MAP3K20: variants seen among roughly 807,000 people sequenced by gnomAD.
MAP3K20 encodes the protein HCCS-4.
In MAP3K20, 40 loss-of-function variants were observed where a neutral mutation model predicts 85.7. The ratio of observed to expected loss-of-function variants is 0.47; its 90% CI spans 0.36 to 0.61. The LOEUF is 0.61. MAP3K20 is among the 20% of genes least tolerant of loss of function. MAP3K20 has a pLI of 0.00. For missense variants in MAP3K20, 817 were observed against 961.7 expected, an observed-to-expected ratio of 0.85 and a Z score of 1.99; for synonymous variants, 325 against 327.7, an observed-to-expected ratio of 0.99 and a Z score of 0.09.
intron 1 of MAP3K20, among the ~76,000 whole-genome samples, chr2:173,077,542 T>G (rs1686901506): frequency 3.3e-5 from 5 of 152,156 alleles, no homozygotes; most frequent in Admixed American, 3.3e-4. Flanking sequence ...AGAAAAATGG[T>G]CTTTTGGACC....
chr2:173,224,251 G>A, intron 11 of MAP3K20: 1 of 985,308 alleles, frequency 1.0e-6, no homozygotes, highest in Non-Finnish European at 1.2e-6. Flanking sequence ...AAAAAGGCAA[G>A]GGGATCTTTG....
chr2:173,081,572 T>G (rs1687014890), intron 1 of MAP3K20, among the ~76,000 whole-genome samples: 1 of 152,078 alleles, frequency 6.6e-6, no homozygotes, highest in Non-Finnish European at 1.5e-5. Flanking sequence ...TGTTAGGTGG[T>G]TATACGATGG....
At chr2:173,105,354 A>G (rs975594432) in intron 2 of MAP3K20, among the ~76,000 whole-genome samples, 4 of 152,200 alleles carry the variant, frequency 2.6e-5, no homozygotes, top group Non-Finnish European at 5.9e-5. Flanking sequence ...AGGACGTCTC[A>G]GAGGTTTTGC....
At chr2:173,076,444 C>T (rs993347397) in intron 1 of MAP3K20, among the ~76,000 whole-genome samples, 1 of 152,112 alleles carries the variant, frequency 6.6e-6, no homozygotes, top group Non-Finnish European at 1.5e-5. Context: ...AACCGCGAGG[C>T]CCCCAAATCA....
intron 11 of MAP3K20, chr2:173,222,515 T>A: frequency 1.0e-6 from 1 of 985,818 alleles, no homozygotes; most frequent in Non-Finnish European, 1.2e-6. Context: ...AAAGAGGTGG[T>A]CTTAAGGGGA....
chr2:173,111,168 T>G (rs1259346016), intron 2 of MAP3K20, among the ~76,000 whole-genome samples: 3 of 152,232 alleles, frequency 2.0e-5, no homozygotes, highest in Non-Finnish European at 4.4e-5. Flanking sequence ...TGATTTGCAT[T>G]TCCCTGATCA....
At chr2:173,175,405 G>A (rs1690124563) in intron 3 of MAP3K20, among the ~76,000 whole-genome samples, 1 of 152,230 alleles carries the variant, frequency 6.6e-6, no homozygotes, top group South Asian at 2.1e-4. Flanking sequence ...GTAGGTTGCC[G>A]CTTGTCTGTA....
chr2:173,166,951 C>T (rs375962656), intron 2 of MAP3K20: 8 of 116,194 alleles, frequency 6.9e-5, no homozygotes, highest in African/African-American at 1.7e-4. Context: ...CTCGCTCTTT[C>T]GCCCAGGCTG....
At position 173,232,416 on chromosome 2, in the gene MAP3K20, A is replaced by C; in HGVS notation, c.1160A>C (p.Lys387Thr). ...CTGCTGCTGGAGGAAGAAGACCTGA[A>C]AGACATGGGCATTGTCTCCAAGGGG... ...RLLLLEEEDL[K>T]DMGIVSKGHI... The change falls in exon 14 of 20, where the codon AAA (lysine) becomes ACA (threonine). Residue 387 changes from lysine (K) to threonine (T), a missense_variant. Physicochemically the swap from Lys to Thr is moderately conservative, Grantham distance 78. Coordinates refer to ENST00000375213, the MANE Select transcript of MAP3K20 (RefSeq NM_016653.3). 6.2e-7 allele frequency: 1 copy of C among 1,614,250 alleles called. No individual in the cohort carries two copies. The highest frequency in any genetic ancestry group is 8.5e-7 in the Non-Finnish European group (1 of 1,180,040).
intron 10 of MAP3K20, chr2:173,212,268 A>T (rs372214437): frequency 2.0e-5 from 2 of 98,556 alleles, no homozygotes; most frequent in African/African-American, 5.8e-5. Context: ...GTCCCAGGGC[A>T]TGTGGAGCTC....
chr2:173,243,654 T>G (rs758419127), intron 16 of MAP3K20, among the ~76,000 whole-genome samples: 6 of 152,120 alleles, frequency 3.9e-5, no homozygotes, highest in African/African-American at 7.2e-5. Flanking sequence ...ATCTCGCTCT[T>G]TCGCCCAGGC....
At chr2:173,131,230 G>GTCA (rs2106200600) in intron 2 of MAP3K20, among the ~76,000 whole-genome samples, 1 of 152,310 alleles carries the variant, frequency 6.6e-6, no homozygotes, top group South Asian at 2.1e-4. Flanking sequence ...ATTAGAGACT[G>GTCA]TCATATATGC....
At chr2:173,140,602 G>C (rs1688943641) in intron 2 of MAP3K20, among the ~76,000 whole-genome samples, 1 of 149,242 alleles carries the variant, frequency 6.7e-6, no homozygotes, top group South Asian at 2.1e-4. Context: ...CACCCGCTTT[G>C]GCCTCCCAAA....
At chr2:173,153,422 A>G (rs1574061644) in intron 2 of MAP3K20, among the ~76,000 whole-genome samples, 1 of 152,192 alleles carries the variant, frequency 6.6e-6, no homozygotes, top group Non-Finnish European at 1.5e-5. Context: ...GTCTCTGCTG[A>G]CACCCATTTA....
chr2:173,110,518 A>G (rs1687940593), intron 2 of MAP3K20, among the ~76,000 whole-genome samples: 1 of 151,722 alleles, frequency 6.6e-6, no homozygotes, highest in African/African-American at 2.4e-5. Flanking sequence ...TGGGTGCCTC[A>G]TTACCAGAGC....
At chr2:173,248,314 T>A (rs962999360) in intron 16 of MAP3K20, among the ~76,000 whole-genome samples, 3 of 152,302 alleles carry the variant, frequency 2.0e-5, no homozygotes, top group East Asian at 1.9e-4. Context: ...TTGAGCCCCG[T>A]CCCTACCCTG....
chr2:173,153,990 T>C (rs754459359), intron 2 of MAP3K20, among the ~76,000 whole-genome samples: 2 of 152,096 alleles, frequency 1.3e-5, no homozygotes, highest in Non-Finnish European at 2.9e-5. Flanking sequence ...ACTGTTTGTT[T>C]TCTTGCTTTT....
At position 173,090,604 on chromosome 2, in the gene MAP3K20, G is replaced by C. The variant is rs112654205; in HGVS notation, c.-34-394G>C. 7.1e-6 allele frequency: 7 copies of C among 990,352 alleles called. No homozygotes were observed. The African/African-American group carries it at 8.7e-5, about 12-fold the overall frequency. The allele number at this position is 990,352 out of a possible 1,614,324, so 61.3% of individuals were successfully genotyped here. A position where few individuals can be genotyped will look rare whatever the true frequency, so the allele number is the denominator to read the frequency against. ...CAGCGTGGAGAGGTGGCATGCCTCA[G>C]ATGCCAGGGGAGCTATGCAAGCTTG... On this transcript the variant is annotated intron_variant, in intron 1 of 19. Transcript: ENST00000375213.
At chr2:173,078,225 A>T (rs1686919809) in intron 1 of MAP3K20, among the ~76,000 whole-genome samples, 1 of 152,206 alleles carries the variant, frequency 6.6e-6, no homozygotes, top group Non-Finnish European at 1.5e-5. Context: ...TAAACTGGAA[A>T]AAGATGTTTG....
Sources: allele counts gnomAD v4.1 joint callset (sites outside exome capture counted in the v4.1 genomes callset), GRCh38; gene constraint gnomAD v4.1.1; transcripts MANE v1.5; gene names NCBI Gene and HGNC (gene_info 2026-07-23, HGNC 2026-07-21).